ODR4: variants seen among roughly 807,000 people sequenced by gnomAD.
ODR4 encodes the protein protein odr-4 homolog.
A neutral mutation model predicts 60.2 loss-of-function variants in ODR4; 47 were observed. That is an observed-to-expected ratio of 0.78 (90% CI 0.62 to 1.00). The LOEUF is 1.00. ODR4 is among the 50% of genes least tolerant of loss of function. The probability of loss-of-function intolerance (pLI) is 0.00; values close to 1 mark genes in which losing one functional copy is unlikely to be tolerated. For synonymous variants in ODR4, 178 were observed against 175.5 expected (o/e 1.01, Z -0.11); for missense variants, 488 against 530.8 (o/e 0.92, Z 0.79).
At chr1:186,428,387 T>G in the ODR4 span, among the ~76,000 whole-genome samples, 124 of 152,310 alleles carry the variant, frequency 8.1e-4, no homozygotes, top group East Asian at 0.018. Context: ...TTCTTCTGCT[T>G]CCTCACCTCT....
At chr1:186,384,642 C>T (rs552491647) in intron 3 of ODR4, among the ~76,000 whole-genome samples, 1 of 150,896 alleles carries the variant, frequency 6.6e-6, no homozygotes, top group East Asian at 2.0e-4. Flanking sequence ...TTAGCTTAAC[C>T]TTTTACCTCT....
chr1:186,422,752 T>TAGGG (rs1661815450), downstream of ODR4, among the ~76,000 whole-genome samples: 1 of 152,198 alleles, frequency 6.6e-6, no homozygotes, highest in Non-Finnish European at 1.5e-5. Flanking sequence ...GAAATGGCTT[T>TAGGG]AAATGCTTAA....
At chr1:186,433,229 G>T in the ODR4 span, among the ~76,000 whole-genome samples, 1 of 152,000 alleles carries the variant, frequency 6.6e-6, no homozygotes, top group African/African-American at 2.4e-5. Context: ...GGAAACTCAG[G>T]CCATTTGTTT....
At chr1:186,414,509 GA>G (rs907000423) in intron 12 of ODR4, among the ~76,000 whole-genome samples, 1 of 150,834 alleles carries the variant, frequency 6.6e-6, no homozygotes, top group East Asian at 1.9e-4. Flanking sequence ...AAATATGGGG[GA>G]AAAAAACAAA....
intron 3 of ODR4, among the ~76,000 whole-genome samples, chr1:186,385,140 G>A (rs1489875505): frequency 2.0e-5 from 3 of 151,856 alleles, no homozygotes; most frequent in African/African-American, 7.3e-5. Context: ...TTCTATGAAT[G>A]CAGAAAGATG....
intron 9 of ODR4, among the ~76,000 whole-genome samples, chr1:186,398,031 G>A (rs555755838): frequency 2.0e-5 from 3 of 152,118 alleles, no homozygotes; most frequent in Admixed American, 6.5e-5. Flanking sequence ...ATATTTTTAG[G>A]AGCATATCGA....
the ODR4 span, among the ~76,000 whole-genome samples, chr1:186,426,446 G>A: frequency 6.6e-6 from 1 of 152,150 alleles, no homozygotes; most frequent in Middle Eastern, 3.2e-3. Context: ...TTTCCTTCAC[G>A]TGACTTTTCC....
At chr1:186,406,354 T>C (rs1571692606) in intron 12 of ODR4, 86 bp downstream of exon 12, 9 of 1,041,916 alleles carry the variant, frequency 8.6e-6, no homozygotes, top group African/African-American at 1.6e-5. Context: ...ATCATGTCTT[T>C]AGATTTTTTT....
intron 11 of ODR4, among the ~76,000 whole-genome samples, chr1:186,399,530 C>CTT (rs35872506): frequency 0.58 from 87,907 of 151,738 alleles, 25,543 homozygotes; most frequent in East Asian, 0.65. Flanking sequence ...TTTTAGAACA[C>CTT]TATCAAATTT....
chr1:186,384,903 T>C (rs775421186), intron 3 of ODR4, among the ~76,000 whole-genome samples: 4 of 152,114 alleles, frequency 2.6e-5, no homozygotes, highest in Non-Finnish European at 5.9e-5. Context: ...AAGACTGTAC[T>C]CTGATTGATT....
intron 2 of ODR4, among the ~76,000 whole-genome samples, chr1:186,381,959 T>C (rs1000755218): frequency 1.3e-5 from 2 of 152,244 alleles, no homozygotes; most frequent in Admixed American, 1.3e-4. Context: ...TCAGGTCATG[T>C]GTGGGGAAGA....
chr1:186,427,472 C>G, the ODR4 span, among the ~76,000 whole-genome samples: 1 of 150,946 alleles, frequency 6.6e-6, no homozygotes, highest in African/African-American at 2.5e-5. Flanking sequence ...TTAGTCACAT[C>G]TTTAGGCTCC....
chr1:186,432,400 G>C, the ODR4 span, among the ~76,000 whole-genome samples: 4 of 152,228 alleles, frequency 2.6e-5, no homozygotes, highest in East Asian at 7.7e-4. Flanking sequence ...TTAATAAAAT[G>C]AGTTGATAAT....
In ODR4 at chr1:186,391,644, T is replaced by A. The variant is rs1001812557; in HGVS notation, c.616-52T>A. ...GGAACAAAGTAGATTATAGGAAGTT[T>A]AATTGAGATGGCATTGTATCTGAAA... On this transcript the variant is annotated intron_variant, in intron 7 of 13. Transcript: ENST00000287859. 7.0e-6 allele frequency: 8 copies of A among 1,139,084 alleles called. No homozygotes were observed. The East Asian group carries it at 2.0e-4, about 28-fold the overall frequency. The allele number at this position is 1,139,084 out of a possible 1,614,324, so 70.6% of individuals were successfully genotyped here.
At chr1:186,425,759 G>A (rs566490277), downstream of ODR4, among the ~76,000 whole-genome samples, 2 of 152,192 alleles carry the variant, frequency 1.3e-5, no homozygotes, top group South Asian at 4.1e-4. Context: ...CAGATGCACC[G>A]TTGATCCTAA....
downstream of ODR4, among the ~76,000 whole-genome samples, chr1:186,424,784 C>T (rs2102110429): frequency 6.6e-6 from 1 of 152,016 alleles, no homozygotes; most frequent in South Asian, 2.1e-4. Flanking sequence ...GGAGTTCTTC[C>T]AGTCGTGGTG....
intron 11 of ODR4, among the ~76,000 whole-genome samples, chr1:186,402,540 CA>C (rs905357949): frequency 3.9e-5 from 6 of 151,902 alleles, no homozygotes; most frequent in Admixed American, 3.3e-4. Flanking sequence ...GCTGGGACTA[CA>C]GGCAAGGGCC....
At chr1:186,386,477 C>T (rs1417713923) in intron 4 of ODR4, among the ~76,000 whole-genome samples, 1 of 151,912 alleles carries the variant, frequency 6.6e-6, no homozygotes, top group African/African-American at 2.4e-5. Flanking sequence ...GTAAATTATG[C>T]AAACAAATAA....
intron 11 of ODR4, among the ~76,000 whole-genome samples, chr1:186,400,141 G>A (rs1280990474): frequency 1.3e-5 from 2 of 150,164 alleles, no homozygotes; most frequent in Non-Finnish European, 3.0e-5. Flanking sequence ...ACAGGCACGC[G>A]CCACCATGCC....
Sources: allele counts gnomAD v4.1 joint callset (sites outside exome capture counted in the v4.1 genomes callset), GRCh38; gene constraint gnomAD v4.1.1; transcripts MANE v1.5; gene names NCBI Gene and HGNC (gene_info 2026-07-23, HGNC 2026-07-21).